Variants in NAA25 observed in about 807,000 individuals in gnomAD.
NAA25 encodes N-terminal acetyltransferase B complex subunit NAA25.
Under a neutral mutation model 132.5 loss-of-function variants are expected in NAA25, and 30 were observed. The observed-to-expected ratio is 0.23, with a 90% CI of 0.17 to 0.31. The LOEUF (loss-of-function observed/expected upper bound fraction) is 0.31. Ranked by LOEUF, NAA25 falls within the 10% of genes least tolerant of loss-of-function variation. NAA25 has a pLI of 1.00. For synonymous variants in NAA25, 359 were observed against 401.9 expected (o/e 0.89, Z 1.28); for missense variants, 771 against 1,150.4 (o/e 0.67, Z 4.77).
At chr12:112,066,537 A>G (rs2078721842) in intron 11 of NAA25, among the ~76,000 whole-genome samples, 1 of 152,160 alleles carries the variant, frequency 6.6e-6, no homozygotes, top group African/African-American at 2.4e-5. Flanking sequence ...AGCTTTTCAA[A>G]TAAGTGAACG....
At chr12:112,103,187 A>G (rs996693688) in intron 1 of NAA25, among the ~76,000 whole-genome samples, 12 of 152,024 alleles carry the variant, frequency 7.9e-5, no homozygotes, top group African/African-American at 2.4e-4. Flanking sequence ...GGGTTTTGCC[A>G]TTTTGGCCAG....
Position 112,043,071 on chromosome 12 carries a change from A to C in NAA25, c.2374+17T>G. Reference sequence around the variant, plus strand: ...TTTCTATGACAAAGACCCTATAAACACACAGTGTACACTTACCTAAACCAC... The same window carrying C: ...TTTCTATGACAAAGACCCTATAAACCCACAGTGTACACTTACCTAAACCAC... On this transcript the variant is annotated intron_variant, in intron 19 of 23. Coordinates refer to ENST00000261745, the MANE Select transcript of NAA25 (RefSeq NM_024953.4). 1 of 1,578,238 alleles carries C rather than the reference A, an allele frequency of 6.3e-7. No homozygotes were observed. The highest frequency in any genetic ancestry group is 1.2e-5 in the South Asian group (1 of 86,874).
intron 15 of NAA25, among the ~76,000 whole-genome samples, chr12:112,050,530 AG>A (rs1593766199): frequency 2.1e-5 from 3 of 145,442 alleles, no homozygotes. Flanking sequence ...TTTTTTTTTG[AG>A]ACAGAGTCTC....
In NAA25 at chr12:112,027,743, T is replaced by A. The variant is rs1381800867; in HGVS notation, c.*1788A>T. The A allele has an allele frequency of 2.0e-5, 3 of 152,256 alleles. No homozygotes were observed. The highest frequency in any genetic ancestry group is 2.0e-4 in the Admixed American group (3 of 15,258). 9.4% of individuals were successfully genotyped at this position (152,256 alleles called of 1,614,324 possible). On this transcript the variant is annotated 3_prime_UTR_variant, in exon 24 of 24. Coordinates refer to ENST00000261745, the MANE Select transcript of NAA25 (RefSeq NM_024953.4). ...GACATCATTTCAAGAACACACGCCA[T>A]ACACATGTACCCCACCCTCCCCAGC...
intron 9 of NAA25, among the ~76,000 whole-genome samples, chr12:112,072,608 C>CA (rs1300393592): frequency 0.087 from 7,452 of 86,074 alleles, 1,221 homozygotes; most frequent in East Asian, 0.66. Flanking sequence ...GATTCCATCT[C>CA]AAAAAAAAAA....
chr12:112,074,686 A>C lies in NAA25; in HGVS notation c.855T>G (p.Ala285=), dbSNP rs760151772. Reference sequence around the variant, plus strand: ...AGAAGACAACTTACTGTTCACCTTCAGCAGGAGGACTCCAGGCCTCTTCAA... The same window carrying C: ...AGAAGACAACTTACTGTTCACCTTCCGCAGGAGGACTCCAGGCCTCTTCAA... ...RLIEEAWSPP[A]EGEHSLEGEV... is the part of the protein sequence containing the mutation. The change falls in exon 9 of 24, where the codon GCT becomes GCG. Residue 285 remains alanine, a synonymous_variant. Coordinates refer to ENST00000261745, the MANE Select transcript of NAA25 (RefSeq NM_024953.4). The C allele has an allele frequency of 1.1e-5, 17 of 1,606,712 alleles. No homozygotes were observed. The South Asian group carries it at 1.9e-4, about 18-fold the overall frequency.
intron 1 of NAA25, among the ~76,000 whole-genome samples, chr12:112,106,077 C>G (rs117962158): frequency 1.3e-5 from 2 of 152,144 alleles, no homozygotes; most frequent in Non-Finnish European, 2.9e-5. Context: ...GCTGAATTCA[C>G]GGACAGTCTG....
chr12:112,056,101 A>C (rs2078540523), intron 13 of NAA25, among the ~76,000 whole-genome samples: 1 of 152,148 alleles, frequency 6.6e-6, no homozygotes, highest in African/African-American at 2.4e-5. Context: ...CTGGGAGGCC[A>C]GGGAAGCGGA....
At chr12:112,097,391 A>C (rs1659960396) in intron 1 of NAA25, 1 of 152,040 alleles carries the variant, frequency 6.6e-6, no homozygotes, top group Non-Finnish European at 1.5e-5. Flanking sequence ...GTGGATCATG[A>C]GGTCAGGAGA....
chr12:112,041,272 C>A (rs1250267660), intron 20 of NAA25, among the ~76,000 whole-genome samples: 3 of 151,876 alleles, frequency 2.0e-5, no homozygotes, highest in Non-Finnish European at 4.4e-5. Flanking sequence ...ACTGCAAGCT[C>A]CAACTCCCAG....
rs2078884121 is a variant in NAA25 at position 112,075,606 on chromosome 12, A to G, written c.776+72T>C. 4 of 1,248,332 alleles carry G rather than the reference A, an allele frequency of 3.2e-6. No individual in the cohort carries two copies. The South Asian group carries it at 5.0e-5, about 16-fold the overall frequency. The allele number at this position is 1,248,332 out of a possible 1,614,324, so 77.3% of individuals were successfully genotyped here. A position where few individuals can be genotyped will look rare whatever the true frequency, so the allele number is the denominator to read the frequency against. On this transcript the variant is annotated intron_variant, in intron 8 of 23. Coordinates refer to ENST00000261745, the MANE Select transcript of NAA25 (RefSeq NM_024953.4). ...TGCCCAGAAACTTCAAAACACAGAC[A>G]CCAAGAAAATCAATAGTGAGGTCTT...
rs1184464001 is a variant in NAA25, at chr12:112,074,771, TCAGATTGAATGATGCACA to T, written c.777-25_777-8del. On this transcript the variant is annotated splice_polypyrimidine_tract_variant and splice_region_variant and intron_variant, in intron 8 of 23. Transcript: ENST00000261745. ...GAACTGCCAGTCATCTGAGCTAAAA[TCAGATTGAATGATGCACA>T]CAGGATTAAACCCAAGTTGTGACAG... The T allele has an allele frequency of 3.1e-6, 5 of 1,589,406 alleles. No homozygotes were observed. The highest frequency in any genetic ancestry group is 1.7e-5 in the Admixed American group (1 of 58,710).
chr12:112,053,503 C>A (rs1344720889), intron 15 of NAA25, 55 bp downstream of exon 15: 2 of 1,277,116 alleles, frequency 1.6e-6, no homozygotes, highest in East Asian at 2.4e-5. Context: ...ACGTGCTCCT[C>A]AATAGTGTGC....
rs181201458 is a variant in NAA25 at position 112,082,434 on chromosome 12, G to C, written c.403-1300C>G. Among the ~76,000 whole-genome samples the C allele has an allele frequency of 5.7e-3, 859 of 151,558 alleles. 10 individuals carry two copies. The highest frequency in any genetic ancestry group is 0.019 in the African/African-American group (789 of 41,284). ...ATATATATGTATGTTAACCAGGGTG[G>C]TGGCAAGCACCTGTGGTCCCAGCTA... On this transcript the variant is annotated intron_variant, in intron 4 of 23. Transcript: ENST00000261745.
chr12:112,099,414 C>A (rs2079259661), intron 1 of NAA25, among the ~76,000 whole-genome samples: 1 of 151,806 alleles, frequency 6.6e-6, no homozygotes, highest in Non-Finnish European at 1.5e-5. Context: ...GCAAGTGATA[C>A]AAGTTTTCCA....
At chr12:112,054,688 A>T in intron 13 of NAA25, 120 bp from the exon 14 acceptor site, 1 of 965,430 alleles carries the variant, frequency 1.0e-6, no homozygotes, top group Non-Finnish European at 1.5e-6. Flanking sequence ...TAAATGACAG[A>T]GAACAAATTT....
Position 112,078,265 on chromosome 12 carries a change from A to G in NAA25, c.587T>C (p.Val196Ala). The change falls in exon 7 of 24, where the codon GTT becomes GCT. Residue 196 changes from valine to alanine, a missense_variant and splice_region_variant. This residue lies in a region of NAA25 where 417 missense variants were observed against 733.8 expected (regional missense o/e 0.57). Transcript: ENST00000261745. The part of the protein sequence containing the change: ...KEDKIEAEAE[V>A]ELYYMILERL... The stretch of plus-strand genomic sequence containing the variant: ...TTCCAGGATCATATAATAAAGTTCA[A>G]CCTTACAGAAAAAAAACAAGAAGTG... 1 of 1,602,266 alleles carries G rather than the reference A, an allele frequency of 6.2e-7. No individual in the cohort carries two copies. The highest frequency in any genetic ancestry group is 8.5e-7 in the Non-Finnish European group (1 of 1,175,454).
intron 20 of NAA25, 101 bp from the exon 21 acceptor site, chr12:112,040,679 T>C: frequency 3.0e-6 from 2 of 658,902 alleles, no homozygotes; most frequent in Non-Finnish European, 5.1e-6. Context: ...AAATTTAATT[T>C]AGAAAGCTAT....
At chr12:112,070,088 A>T (rs1268376617) in intron 10 of NAA25, among the ~76,000 whole-genome samples, 1 of 152,192 alleles carries the variant, frequency 6.6e-6, no homozygotes, top group African/African-American at 2.4e-5. Context: ...AGACTACACC[A>T]CTATACTCCA....
Sources: allele counts gnomAD v4.1 joint callset (sites outside exome capture counted in the v4.1 genomes callset), GRCh38; gene constraint gnomAD v4.1.1; regional missense constraint gnomAD v4.1.1; transcripts MANE v1.5; gene names NCBI Gene and HGNC (gene_info 2026-07-23, HGNC 2026-07-21).